The following EIF2B3 variants were observed in gnomAD, a reference collection of about 807,000 sequenced individuals.
EIF2B3 encodes the protein translation initiation factor eIF2B subunit gamma.
Under a neutral mutation model 54.1 loss-of-function variants are expected in EIF2B3, and 20 were observed. The ratio of observed to expected loss-of-function variants is 0.37; its 90% CI spans 0.26 to 0.54. The LOEUF (loss-of-function observed/expected upper bound fraction) is 0.54, where lower values mean the gene tolerates loss of function less well. EIF2B3 is among the 20% of genes least tolerant of loss of function. The probability of loss-of-function intolerance (pLI) is 0.86; values close to 1 mark genes in which losing one functional copy is unlikely to be tolerated. For synonymous variants in EIF2B3, 153 were observed against 188.1 expected, an observed-to-expected ratio of 0.81 and a Z score of 1.52; for missense variants, 448 against 547.8, an observed-to-expected ratio of 0.82 and a Z score of 1.82.
intron 5 of EIF2B3, among the ~76,000 whole-genome samples, chr1:44,920,559 C>T (rs1273119019): frequency 6.6e-6 from 1 of 152,184 alleles, no homozygotes; most frequent in African/African-American, 2.4e-5. Context: ...TTTCCAGCCT[C>T]TGGTAATCAT....
chr1:44,884,692 G>A (rs1655519687), intron 6 of EIF2B3, among the ~76,000 whole-genome samples: 1 of 152,180 alleles, frequency 6.6e-6, no homozygotes, highest in African/African-American at 2.4e-5. Flanking sequence ...GGCAGCAAAT[G>A]TTCCTCCTCC....
Position 44,984,797 on chromosome 1 carries a change from C to CTTTTTTTTTTTTT in EIF2B3, c.-10+1683_-10+1695dup, listed in dbSNP as rs71040529. ...GTAAAGCAGACAAAATAATGTCCAT[C>CTTTTTTTTTTTTT]TTTTTTTTTTTTTTTTTTTTGAGAC... On this transcript the variant is annotated intron_variant, in intron 1 of 11. Coordinates refer to ENST00000360403, the MANE Select transcript of EIF2B3 (RefSeq NM_020365.5). Among the ~76,000 whole-genome samples the CTTTTTTTTTTTTT allele has an allele frequency of 2.2e-3, 199 of 88,532 alleles. 18 individuals carry two copies. Among genetic ancestry groups the CTTTTTTTTTTTTT allele is most frequent in the African/African-American group, 4.4e-3 (82 of 18,586 alleles). The allele number at this position is 88,532 out of a possible 152,430, so 58.1% of individuals were successfully genotyped here. A position where few individuals can be genotyped will look rare whatever the true frequency, so the allele number is the denominator to read the frequency against.
intron 6 of EIF2B3, among the ~76,000 whole-genome samples, chr1:44,882,928 CTTTTTT>C (rs1003449669): frequency 8.7e-6 from 1 of 114,456 alleles, no homozygotes; most frequent in Non-Finnish European, 1.8e-5. Flanking sequence ...TTTTCTTTTT[CTTTTTT>C]TTTTTTTTTT....
chr1:44,878,980 C>T (rs868214853), intron 8 of EIF2B3, among the ~76,000 whole-genome samples: 3 of 152,032 alleles, frequency 2.0e-5, no homozygotes, highest in Admixed American at 6.6e-5. Context: ...AGGCTGGTCT[C>T]GAACTCCTGG....
At chr1:44,919,972 G>A (rs1233675623) in intron 5 of EIF2B3, among the ~76,000 whole-genome samples, 3 of 148,428 alleles carry the variant, frequency 2.0e-5, no homozygotes, top group Admixed American at 6.8e-5. Flanking sequence ...CGCCCACCTC[G>A]GCCTCCCAAA....
intron 10 of EIF2B3, among the ~76,000 whole-genome samples, chr1:44,873,023 C>T (rs766440844): frequency 2.0e-5 from 3 of 152,168 alleles, no homozygotes; most frequent in Non-Finnish European, 4.4e-5. Context: ...CTTCTCAACT[C>T]AGCGTTAGGT....
At position 44,850,704 on chromosome 1, in the gene EIF2B3, GAGTT is replaced by G. The variant is rs1364484586; in HGVS notation, c.*243_*246del. On this transcript the variant is annotated 3_prime_UTR_variant, in exon 12 of 12. Coordinates refer to ENST00000360403, the MANE Select transcript of EIF2B3 (RefSeq NM_020365.5). ...CCCACCGATACATCTTGGCACACAA[GAGTT>G]AGGCCACTGTATCTGTCCTGTCCCA... The G allele has an allele frequency of 9.0e-6, 5 of 556,638 alleles. No individual in the cohort carries two copies. In the African/African-American group the frequency reaches 9.5e-5, roughly 11 times the overall value. The allele number at this position is 556,638 out of a possible 1,614,324, so 34.5% of individuals were successfully genotyped here. A position where few individuals can be genotyped will look rare whatever the true frequency, so the allele number is the denominator to read the frequency against.
At position 44,850,986 on chromosome 1, in the gene EIF2B3, C is replaced by A. The variant is rs1654250105; in HGVS notation, c.1324G>T (p.Val442Leu). ...ATGAGCTGGTCATTCCCCACGATCA[C>A]CTCATTCACTCGTTTAGCTACAAAA... ...IEAKAKRVNE[V>L]IVGNDQLMEI Residue 442 changes from valine to leucine, a missense_variant, in exon 12 of 12, where the codon GTG becomes TTG. This residue lies in a region of EIF2B3 where 350 missense variants were observed against 414.2 expected (regional missense o/e 0.85). Coordinates refer to ENST00000360403, the MANE Select transcript of EIF2B3 (RefSeq NM_020365.5). The A allele has an allele frequency of 3.2e-5, 52 of 1,614,042 alleles. No individual in the cohort carries two copies. Among genetic ancestry groups the A allele is most frequent in the Non-Finnish European group, 4.4e-5 (52 of 1,180,046 alleles).
At chr1:44,965,545 A>T (rs985281168) in intron 3 of EIF2B3, among the ~76,000 whole-genome samples, 1 of 152,110 alleles carries the variant, frequency 6.6e-6, no homozygotes, top group Non-Finnish European at 1.5e-5. Flanking sequence ...CTAATGTACT[A>T]AAAGTACTAA....
At chr1:44,864,572 T>A (rs1271115109) in intron 10 of EIF2B3, among the ~76,000 whole-genome samples, 1 of 152,010 alleles carries the variant, frequency 6.6e-6, no homozygotes, top group African/African-American at 2.4e-5. Flanking sequence ...CAAAAAGAAT[T>A]CTTTTAACAA....
At chr1:44,905,628 A>G (rs778211485) in intron 5 of EIF2B3, among the ~76,000 whole-genome samples, 1 of 152,158 alleles carries the variant, frequency 6.6e-6, no homozygotes, top group Non-Finnish European at 1.5e-5. Flanking sequence ...GTTATTTGGA[A>G]TTGGTTCTCT....
intron 3 of EIF2B3, among the ~76,000 whole-genome samples, chr1:44,945,345 G>C (rs1366223474): frequency 6.6e-6 from 1 of 151,756 alleles, no homozygotes; most frequent in East Asian, 1.9e-4. Context: ...ACAACGTCAG[G>C]AGATCGAGAC....
chr1:44,986,252 G>A (rs1343155858), intron 1 of EIF2B3, among the ~76,000 whole-genome samples: 1 of 150,958 alleles, frequency 6.6e-6, no homozygotes. Context: ...CGATTCTCCT[G>A]CCTCAGACTC....
intron 3 of EIF2B3, among the ~76,000 whole-genome samples, chr1:44,948,012 T>C (rs2148946654): frequency 6.6e-6 from 1 of 152,312 alleles, no homozygotes; most frequent in Middle Eastern, 3.4e-3. Context: ...TGGCATAGTT[T>C]GTGTGCTTGA....
intron 10 of EIF2B3, among the ~76,000 whole-genome samples, chr1:44,863,367 T>G (rs1478273421): frequency 6.6e-6 from 1 of 152,148 alleles, no homozygotes; most frequent in Non-Finnish European, 1.5e-5. Context: ...TGTGTTATTT[T>G]TATTAAAAGT....
At chr1:44,854,514 G>GA (rs1165682340) in intron 11 of EIF2B3, among the ~76,000 whole-genome samples, 1 of 151,666 alleles carries the variant, frequency 6.6e-6, no homozygotes, top group Non-Finnish European at 1.5e-5. Flanking sequence ...TACTTTTGGG[G>GA]AAAAAGACTG....
intron 3 of EIF2B3, among the ~76,000 whole-genome samples, chr1:44,966,299 C>T (rs1276712028): frequency 4.0e-5 from 6 of 151,852 alleles, no homozygotes; most frequent in East Asian, 1.9e-4. Context: ...ATTGGCCAGG[C>T]GTGGTGGCGG....
intron 3 of EIF2B3, among the ~76,000 whole-genome samples, chr1:44,957,590 G>A (rs990461296): frequency 1.3e-5 from 2 of 151,814 alleles, no homozygotes; most frequent in African/African-American, 4.8e-5. Context: ...ACAAAACCTG[G>A]TCTCTACTAA....
intron 5 of EIF2B3, among the ~76,000 whole-genome samples, chr1:44,910,631 C>G (rs1296825357): frequency 4.9e-5 from 3 of 61,424 alleles, no homozygotes; most frequent in Non-Finnish European, 9.3e-5. Flanking sequence ...CCAAGTAATG[C>G]TTTTTTTTTT....
Sources: allele counts gnomAD v4.1 joint callset (sites outside exome capture counted in the v4.1 genomes callset), GRCh38; gene constraint gnomAD v4.1.1; regional missense constraint gnomAD v4.1.1; transcripts MANE v1.5; gene names NCBI Gene and HGNC (gene_info 2026-07-23, HGNC 2026-07-21).